ASCC3: variants seen among roughly 807,000 people sequenced by gnomAD.
The protein encoded by ASCC3 is activating signal cointegrator 1 complex subunit 3.
A neutral mutation model predicts 256.3 loss-of-function variants in ASCC3; 158 were observed. The observed-to-expected ratio is 0.62, with a 90% confidence interval of 0.54 to 0.70. The LOEUF is 0.70. ASCC3 is among the 30% of genes least tolerant of loss of function. The pLI is 0.00. For missense variants in ASCC3, 2,259 were observed against 2,626.0 expected, an observed-to-expected ratio of 0.86 and a Z score of 3.05; for synonymous variants, 948 against 883.4, an observed-to-expected ratio of 1.07 and a Z score of -1.30.
At chr6:100,634,197 C>T (rs1438713995) in intron 25 of ASCC3, among the ~76,000 whole-genome samples, 2 of 152,116 alleles carry the variant, frequency 1.3e-5, no homozygotes, top group Non-Finnish European at 2.9e-5. Flanking sequence ...GTGATCAGAT[C>T]AGGGTAATTA....
chr6:100,628,084 A>G, intron 27 of ASCC3, 97 bp from the exon 28 acceptor site: 1 of 1,270,180 alleles, frequency 7.9e-7, no homozygotes, highest in Non-Finnish European at 1.1e-6. Context: ...TCCTCAAAAA[A>G]CAAAAACAAA....
At chr6:100,828,566 T>A (rs1458262804) in intron 4 of ASCC3, among the ~76,000 whole-genome samples, 1 of 152,170 alleles carries the variant, frequency 6.6e-6, no homozygotes, top group Non-Finnish European at 1.5e-5. Flanking sequence ...TGTTCCGATG[T>A]GTTCGGAGTT....
rs553354182 is a variant in ASCC3, at chr6:100,731,956, G to A, written c.1738-6253C>T. ...GTGGGCAGATAAAAGGAGGTCAGGA[G>A]TTCGAGAACAGCCTGACCAACATGG... On this transcript the variant is annotated intron_variant, in intron 10 of 41. Coordinates refer to ENST00000369162, the MANE Select transcript of ASCC3 (RefSeq NM_006828.4). 2.0e-5 allele frequency among the ~76,000 whole-genome samples: 3 copies of A among 152,268 alleles called. No homozygotes were observed. The South Asian group carries it at 6.2e-4, about 32-fold the overall frequency.
At chr6:100,849,436 T>C (rs1772553321) in intron 3 of ASCC3, among the ~76,000 whole-genome samples, 1 of 152,156 alleles carries the variant, frequency 6.6e-6, no homozygotes, top group Non-Finnish European at 1.5e-5. Context: ...ATCTATAATT[T>C]TCTTTCCAAT....
chr6:100,670,799 T>C (rs756973376), intron 14 of ASCC3, among the ~76,000 whole-genome samples: 29 of 152,086 alleles, frequency 1.9e-4, no homozygotes, highest in Non-Finnish European at 2.2e-4. Context: ...ATGTAGTACA[T>C]GACAGATAAA....
chr6:100,705,808 G>A (rs1381483965), intron 13 of ASCC3, among the ~76,000 whole-genome samples: 1 of 151,836 alleles, frequency 6.6e-6, no homozygotes, highest in Non-Finnish European at 1.5e-5. Flanking sequence ...TACGTACACA[G>A]CCCCACAAGA....
chr6:100,586,019 C>T (rs944929362), intron 36 of ASCC3, among the ~76,000 whole-genome samples: 3 of 152,154 alleles, frequency 2.0e-5, no homozygotes, highest in Admixed American at 1.3e-4. Context: ...TTAGGCTGCT[C>T]GGGGGTCAGG....
intron 10 of ASCC3, among the ~76,000 whole-genome samples, chr6:100,737,595 T>A (rs1434892593): frequency 6.6e-6 from 1 of 152,220 alleles, no homozygotes; most frequent in Non-Finnish European, 1.5e-5. Context: ...TTCCATGGTG[T>A]ACAGATACCA....
At chr6:100,514,569 T>C (rs1043833600) in intron 39 of ASCC3, among the ~76,000 whole-genome samples, 5 of 151,936 alleles carry the variant, frequency 3.3e-5, no homozygotes, top group African/African-American at 1.2e-4. Flanking sequence ...TTAATGTTAT[T>C]ATTATTTTCA....
chr6:100,633,592 G>C (rs1774667278), intron 25 of ASCC3, among the ~76,000 whole-genome samples: 3 of 151,978 alleles, frequency 2.0e-5, no homozygotes, highest in Admixed American at 2.0e-4. Flanking sequence ...CAGGCTGGGT[G>C]CGGTTGCTCA....
chr6:100,529,564 G>A (rs1369235449), intron 37 of ASCC3, among the ~76,000 whole-genome samples: 1 of 152,128 alleles, frequency 6.6e-6, no homozygotes, highest in Non-Finnish European at 1.5e-5. Context: ...GGTGATTTAA[G>A]TATGCATTGA....
intron 14 of ASCC3, among the ~76,000 whole-genome samples, chr6:100,670,374 A>G (rs926716440): frequency 1.3e-5 from 2 of 151,934 alleles, no homozygotes; most frequent in African/African-American, 4.8e-5. Context: ...TGGATGCTTA[A>G]GTCCCTTATA....
intron 4 of ASCC3, among the ~76,000 whole-genome samples, chr6:100,845,123 T>C (rs969573705): frequency 1.3e-5 from 2 of 152,134 alleles, no homozygotes; most frequent in African/African-American, 2.4e-5. Flanking sequence ...CACAGGAATA[T>C]GTACAAATCT....
intron 8 of ASCC3, among the ~76,000 whole-genome samples, chr6:100,770,354 G>A (rs964472901): frequency 6.6e-6 from 1 of 151,898 alleles, no homozygotes; most frequent in Non-Finnish European, 1.5e-5. Context: ...CGTTACAGGT[G>A]TTCCTATCAT....
intron 8 of ASCC3, among the ~76,000 whole-genome samples, chr6:100,781,719 G>T (rs1441305408): frequency 2.6e-5 from 4 of 151,928 alleles, no homozygotes; most frequent in Non-Finnish European, 5.9e-5. Flanking sequence ...AAAAAAGGTA[G>T]TTTCAAAACA....
At chr6:100,626,394 C>T (rs1023086237) in intron 29 of ASCC3, among the ~76,000 whole-genome samples, 16 of 151,836 alleles carry the variant, frequency 1.1e-4, no homozygotes, top group Non-Finnish European at 2.2e-4. Context: ...TTATTTACAT[C>T]CTAACTATGA....
rs1367424179 is a variant in ASCC3 at position 100,799,581 on chromosome 6, A to G, written c.1128-9T>C. The G allele has an allele frequency of 5.6e-6, 9 of 1,610,864 alleles. No homozygotes were observed. On this transcript the variant is annotated splice_polypyrimidine_tract_variant and intron_variant, in intron 6 of 41. Coordinates refer to ENST00000369162, the MANE Select transcript of ASCC3 (RefSeq NM_006828.4). ...TCAGAAGTGCCTGTTCTCTGTAAAC[A>G]TAAAAATAGGCCTAATTTGAAATGT...
chr6:100,805,970 A>G, intron 4 of ASCC3, 90 bp from the exon 5 acceptor site: 8 of 1,266,168 alleles, frequency 6.3e-6, no homozygotes, highest in Non-Finnish European at 8.9e-6. Context: ...AGAGGTGTAA[A>G]GCCAAACTAA....
At chr6:100,587,107 G>T (rs1317392181) in intron 36 of ASCC3, among the ~76,000 whole-genome samples, 1 of 152,086 alleles carries the variant, frequency 6.6e-6, no homozygotes, top group Admixed American at 6.5e-5. Context: ...AATGGAAACA[G>T]ATCTTTGAAA....
Sources: gnomAD v4.1 joint callset for allele counts (sites outside exome capture counted in the v4.1 genomes callset) on GRCh38, gnomAD v4.1.1 for gene constraint, MANE v1.5 for transcripts, NCBI Gene and HGNC (gene_info 2026-07-23, HGNC 2026-07-21) for gene names.